COL23A1: variants seen among roughly 807,000 people sequenced by gnomAD.
The protein encoded by COL23A1 is collagen type XXIII alpha 1 chain, also known as collagen alpha-1(XXIII) chain.
COL23A1 carries 97 observed loss-of-function variants against 99.3 expected under a neutral mutation model. The observed-to-expected ratio is 0.98, with a 90% confidence interval of 0.83 to 1.16. COL23A1 has a LOEUF of 1.16. COL23A1 is among the 50% of genes most tolerant of loss of function. COL23A1 has a pLI of 0.00. For missense variants in COL23A1, 762 were observed against 757.4 expected (o/e 1.01, Z -0.07); for synonymous variants, 320 against 308.2 (o/e 1.04, Z -0.40).
At chr5:178,276,805 C>A (rs1034990589) in intron 5 of COL23A1, among the ~76,000 whole-genome samples, 1 of 152,212 alleles carries the variant, frequency 6.6e-6, no homozygotes, top group African/African-American at 2.4e-5. Flanking sequence ...GAGGGTGGCA[C>A]AATGTTCCTC....
At position 178,248,233 on chromosome 5, in the gene COL23A1, C is replaced by A; in HGVS notation, c.1171G>T (p.Glu391Ter). 1.2e-6 allele frequency: 2 copies of A among 1,611,572 alleles called. No homozygotes were observed. The highest frequency in any genetic ancestry group is 1.7e-6 in the Non-Finnish European group (2 of 1,178,282). The change falls in exon 20 of 29, where the codon GAG becomes TAG. Residue 391 changes from glutamate (E) to a stop codon, truncating the protein, a stop_gained. Transcript: ENST00000390654. LOFTEE classifies it high-confidence loss of function. Reference protein sequence around the residue: ...GLPGADGLKGEKGESASDSLQ... With the variant: ...GLPGADGLKG Reference sequence around the variant, plus strand: ...CTGTCAGACGCCGACTCCCCCTTCTCCCCCTTGAGGCCGTCAGCGCCCTGC... The same window carrying A: ...CTGTCAGACGCCGACTCCCCCTTCTACCCCTTGAGGCCGTCAGCGCCCTGC...
rs940344220 is a variant in COL23A1 at position 178,325,406 on chromosome 5, C to T, written c.362-18487G>A. Among the ~76,000 whole-genome samples the T allele has an allele frequency of 2.0e-5, 3 of 152,186 alleles. 1 individual carries two copies. The highest frequency in any genetic ancestry group is 7.2e-5 in the African/African-American group (3 of 41,444). Reference sequence around the variant, plus strand: ...CTTGCCCTCCATGAGTTACTCCTAGCCCACCTTTAGCCAGACACCTGGCCT... The same window carrying T: ...CTTGCCCTCCATGAGTTACTCCTAGTCCACCTTTAGCCAGACACCTGGCCT... On this transcript the variant is annotated intron_variant, in intron 2 of 28. Transcript: ENST00000390654.
At position 178,428,005 on chromosome 5, in the gene COL23A1, C is replaced by A. The variant is rs1766044024; in HGVS notation, c.362-121086G>T. 6.6e-6 allele frequency among the ~76,000 whole-genome samples: 1 copy of A among 151,910 alleles called. No individual in the cohort carries two copies. The highest frequency in any genetic ancestry group is 1.5e-5 in the Non-Finnish European group (1 of 68,032). ...TTATTAATTCTAAGGAATGTACCCT[C>A]TGGTGGGGGATGTTGATCCCTGATC... is the stretch of plus-strand genomic sequence containing the variant. On this transcript the variant is annotated intron_variant, in intron 2 of 28. Coordinates refer to ENST00000390654, the MANE Select transcript of COL23A1 (RefSeq NM_173465.4). The surrounding 1 kb of genome is among the most constrained non-coding windows in gnomAD (Gnocchi z 5.0).
chr5:178,371,814 T>A (rs1401742826), intron 2 of COL23A1, among the ~76,000 whole-genome samples: 2 of 152,164 alleles, frequency 1.3e-5, no homozygotes, highest in Non-Finnish European at 2.9e-5. Context: ...CTCCACGGAG[T>A]GAATCTGAGG....
At chr5:178,523,511 T>G (rs1320479457) in intron 2 of COL23A1, 1 of 149,390 alleles carries the variant, frequency 6.7e-6, no homozygotes, top group Admixed American at 6.7e-5. Context: ...CGGCCTGGAG[T>G]TGAAGACACG....
rs545641239 is a variant in COL23A1 at position 178,445,891 on chromosome 5, A to G, written c.361+114791T>C. Among the ~76,000 whole-genome samples the G allele has an allele frequency of 2.6e-4, 40 of 152,286 alleles. No homozygotes were observed. The South Asian group carries it at 6.6e-3, about 25-fold the overall frequency. ...CCATTTTGCAATATATATTCAAGAC[A>G]AAAGATTAATATCTTCCATGTGTAA... On this transcript the variant is annotated intron_variant, in intron 2 of 28. Transcript: ENST00000390654.
intron 2 of COL23A1, among the ~76,000 whole-genome samples, chr5:178,435,686 G>C (rs533381062): frequency 6.6e-6 from 1 of 152,272 alleles, no homozygotes; most frequent in African/African-American, 2.4e-5. Context: ...AGGTGATCTG[G>C]TTTCAGGGTG....
chr5:178,246,457 G>C lies in COL23A1; in HGVS notation c.1297-4C>G. 1.9e-6 allele frequency: 3 copies of C among 1,562,104 alleles called. No homozygotes were observed. Among genetic ancestry groups the C allele is most frequent in the Non-Finnish European group, 2.6e-6 (3 of 1,152,280 alleles). On this transcript the variant is annotated splice_region_variant and splice_polypyrimidine_tract_variant and intron_variant, in intron 22 of 28. Coordinates refer to ENST00000390654, the MANE Select transcript of COL23A1 (RefSeq NM_173465.4). The stretch of plus-strand genomic sequence containing the variant: ...CTCCCTTTGCTCCATCCAAGCCCTG[G>C]AGGCAAAGGAGGGAAATCAGTCAAG...
intron 1 of COL23A1, among the ~76,000 whole-genome samples, chr5:178,575,534 T>G (rs1448533432): frequency 6.6e-6 from 1 of 152,188 alleles, no homozygotes; most frequent in Non-Finnish European, 1.5e-5. Flanking sequence ...GGATTATCAT[T>G]ATTTCCACCT....
chr5:178,588,813 C>G (rs949143450), intron 1 of COL23A1, among the ~76,000 whole-genome samples: 1 of 152,178 alleles, frequency 6.6e-6, no homozygotes, highest in Admixed American at 6.5e-5. Flanking sequence ...AATAAAGATC[C>G]CAGCTGGGCA....
rs1393547322 is a variant in COL23A1, at chr5:178,255,869, G to A, written c.882+484C>T. 1 of 404,938 alleles carries A rather than the reference G, an allele frequency of 2.5e-6. No homozygotes were observed. Among genetic ancestry groups the A allele is most frequent in the Admixed American group, 2.6e-5 (1 of 38,192 alleles). The allele number at this position is 404,938 out of a possible 1,614,324, so 25.1% of individuals were successfully genotyped here. ...GGGAGCATGAGGAGACAGAGCCGAGGCCAGGATCCCGGACGTCACCCTAAA... is the reference window on the plus strand; with the variant it reads ...GGGAGCATGAGGAGACAGAGCCGAGACCAGGATCCCGGACGTCACCCTAAA... On this transcript the variant is annotated intron_variant, in intron 15 of 28. Transcript: ENST00000390654. This position sits in a 1 kb window ranked among gnomAD's most constrained non-coding sequence, Gnocchi z 4.2.
chr5:178,426,322 C>T (rs60667997), intron 2 of COL23A1, among the ~76,000 whole-genome samples: 20,469 of 152,184 alleles, frequency 0.13, 2,503 homozygotes, highest in African/African-American at 0.33. Flanking sequence ...AACTTCAGCT[C>T]ATCGCTTTTC....
rs899443673 is a variant in COL23A1 at position 178,544,596 on chromosome 5, G to A, written c.361+16086C>T. 3.9e-5 allele frequency among the ~76,000 whole-genome samples: 6 copies of A among 152,212 alleles called. No individual in the cohort carries two copies. Among genetic ancestry groups the A allele is most frequent in the Admixed American group, 2.0e-4 (3 of 15,290 alleles). On this transcript the variant is annotated intron_variant, in intron 2 of 28. Coordinates refer to ENST00000390654, the MANE Select transcript of COL23A1 (RefSeq NM_173465.4). This position sits in a 1 kb window ranked among gnomAD's most constrained non-coding sequence, Gnocchi z 4.4. The stretch of plus-strand genomic sequence containing the variant: ...TCCCTCCTGGGTACAGCTGACATGT[G>A]AGCAAGCACTTTGGCCAGCACAGCC...
At position 178,279,364 on chromosome 5, in the gene COL23A1, C is replaced by G. The variant is rs557205873; in HGVS notation, c.441+8960G>C. On this transcript the variant is annotated intron_variant, in intron 5 of 28. Transcript: ENST00000390654. ...AGCCACATGGCTCCAGTGCCCACCA[C>G]AGATGCCCTTCCTGACCGGAGGATG... Among the ~76,000 whole-genome samples the G allele has an allele frequency of 5.9e-5, 9 of 152,370 alleles. No homozygotes were observed. In the South Asian group the frequency reaches 1.9e-3, roughly 32 times the overall value.
At position 178,265,732 on chromosome 5, in the gene COL23A1, C is replaced by T. The variant is rs899010049; in HGVS notation, c.522+1575G>A. The stretch of plus-strand genomic sequence containing the variant: ...TTGAGCCGTGGGAAAACCATCTAGT[C>T]AGCAGATAGGTTGTGTGGTCAGAAA... On this transcript the variant is annotated intron_variant, in intron 8 of 28. Coordinates refer to ENST00000390654, the MANE Select transcript of COL23A1 (RefSeq NM_173465.4). 44 of 985,212 alleles carry T rather than the reference C, an allele frequency of 4.5e-5. No homozygotes were observed. In the African/African-American group the frequency reaches 7.3e-4, roughly 16 times the overall value. 61.0% of individuals were successfully genotyped at this position (985,212 alleles called of 1,614,324 possible).
At chr5:178,495,673 G>T (rs536032921) in intron 2 of COL23A1, among the ~76,000 whole-genome samples, 1 of 152,086 alleles carries the variant, frequency 6.6e-6, no homozygotes, top group African/African-American at 2.4e-5. Context: ...GTGGGAAGGG[G>T]GAGGAAGGAG....
intron 5 of COL23A1, among the ~76,000 whole-genome samples, chr5:178,279,235 G>A (rs1384192693): frequency 6.6e-6 from 1 of 152,156 alleles, no homozygotes; most frequent in Admixed American, 6.5e-5. Flanking sequence ...CCAGACTCAC[G>A]TGTCACCTCT....
At chr5:178,268,808 G>T (rs1378525913) in intron 6 of COL23A1, 52 bp from the exon 7 acceptor site, 1 of 1,565,264 alleles carries the variant, frequency 6.4e-7, no homozygotes, top group Non-Finnish European at 8.7e-7. Context: ...GCCTAGGCTG[G>T]CTCCCCTTCT....
At chr5:178,247,466 C>T in intron 22 of COL23A1, 60 bp downstream of exon 22, 3 of 1,597,832 alleles carry the variant, frequency 1.9e-6, no homozygotes, top group Non-Finnish European at 2.6e-6. Flanking sequence ...ATTGGCAAGG[C>T]TCTTGGAAAC....
Sources: gnomAD v4.1 joint callset for allele counts (sites outside exome capture counted in the v4.1 genomes callset) on GRCh38, gnomAD v4.1.1 for gene constraint, Gnocchi (gnomAD v3.1) non-coding constraint, MANE v1.5 for transcripts, NCBI Gene and HGNC (gene_info 2026-07-23, HGNC 2026-07-21) for gene names.